NTRK3: variants seen among roughly 807,000 people sequenced by gnomAD.
NTRK3 encodes neurotrophic receptor tyrosine kinase 3.
NTRK3 carries 24 observed loss-of-function variants against 91.7 expected under a neutral mutation model. The ratio of observed to expected loss-of-function variants is 0.26; its 90% confidence interval spans 0.19 to 0.37. The LOEUF (loss-of-function observed/expected upper bound fraction) is 0.37. Ranked by LOEUF, NTRK3 falls within the 10% of genes least tolerant of loss-of-function variation. The pLI is 1.00. For synonymous variants in NTRK3, 483 were observed against 404.0 expected, an observed-to-expected ratio of 1.20 and a Z score of -2.34; for missense variants, 880 against 1,068.9, an observed-to-expected ratio of 0.82 and a Z score of 2.46.
intron 3 of NTRK3, among the ~76,000 whole-genome samples, chr15:88,185,670 T>C (rs555809058): frequency 6.6e-6 from 1 of 152,236 alleles, no homozygotes. Context: ...TGACAGCTCA[T>C]CCTGGGACAG....
In NTRK3 at chr15:87,876,578, G is replaced by A. The variant is rs755060634; in HGVS notation, c.*357C>T. The A allele has an allele frequency of 3.9e-4, 86 of 223,332 alleles. No individual in the cohort carries two copies. In the Middle Eastern group the frequency reaches 5.5e-3, roughly 14 times the overall value. 13.8% of individuals were successfully genotyped at this position (223,332 alleles called of 1,614,324 possible). A position where few individuals can be genotyped will look rare whatever the true frequency, so the allele number is the denominator to read the frequency against. On this transcript the variant is annotated 3_prime_UTR_variant, in exon 19 of 19. Transcript: ENST00000394480. ...GCATGGGCCACAGCTTAAGTCAAAG[G>A]GAATTTTCCTTTGTATTATTAATAT...
At chr15:88,127,949 C>A (rs764768486) in intron 11 of NTRK3, among the ~76,000 whole-genome samples, 2 of 152,148 alleles carry the variant, frequency 1.3e-5, no homozygotes, top group Non-Finnish European at 2.9e-5. Flanking sequence ...AAGGAATATT[C>A]TGCAAGATTA....
intron 13 of NTRK3, among the ~76,000 whole-genome samples, chr15:88,041,775 C>A (rs931847864): frequency 6.9e-6 from 1 of 143,894 alleles, no homozygotes; most frequent in African/African-American, 2.6e-5. Flanking sequence ...CATTCAGACA[C>A]TTCGCGTGCA....
intron 13 of NTRK3, among the ~76,000 whole-genome samples, chr15:88,108,809 T>C (rs1284049477): frequency 3.9e-5 from 6 of 152,130 alleles, no homozygotes; most frequent in Admixed American, 6.5e-5. Flanking sequence ...TATAAGGAGC[T>C]TGGCAGAAAT....
intron 13 of NTRK3, among the ~76,000 whole-genome samples, chr15:88,035,542 C>T (rs1030243667): frequency 7.9e-5 from 12 of 152,222 alleles, no homozygotes; most frequent in African/African-American, 2.9e-4. Flanking sequence ...AGTGGAAAGT[C>T]AAGCTCATTC....
At chr15:88,057,082 T>C (rs888465362) in intron 13 of NTRK3, among the ~76,000 whole-genome samples, 6 of 131,672 alleles carry the variant, frequency 4.6e-5, no homozygotes, top group Admixed American at 1.6e-4. Flanking sequence ...GGCAGGAGAA[T>C]GGCGTGAACC....
intron 13 of NTRK3, among the ~76,000 whole-genome samples, chr15:88,094,129 C>A (rs1245860255): frequency 6.6e-6 from 1 of 152,058 alleles, no homozygotes; most frequent in Non-Finnish European, 1.5e-5. Context: ...GCTCTTCTTG[C>A]TGCAGCCTTT....
chr15:88,221,372 G>GA (rs773658464), intron 3 of NTRK3, among the ~76,000 whole-genome samples: 7 of 151,912 alleles, frequency 4.6e-5, no homozygotes, highest in Admixed American at 3.3e-4. Flanking sequence ...AAATTCATAA[G>GA]AAAAAAACAT....
chr15:87,886,697 T>TATATATATATACAC (rs1335887821), intron 17 of NTRK3, among the ~76,000 whole-genome samples: 1 of 135,882 alleles, frequency 7.4e-6, no homozygotes, highest in South Asian at 2.3e-4. Context: ...TATATATATA[T>TATATATATATACAC]ATACATATAT....
chr15:88,094,746 C>T (rs1478320832), intron 13 of NTRK3, among the ~76,000 whole-genome samples: 1 of 152,190 alleles, frequency 6.6e-6, no homozygotes, highest in African/African-American at 2.4e-5. Flanking sequence ...GAGCAAGGCC[C>T]CAGTGCCCTG....
intron 14 of NTRK3, among the ~76,000 whole-genome samples, chr15:88,023,698 G>A (rs74511061): frequency 0.029 from 4,350 of 152,226 alleles, 231 homozygotes; most frequent in African/African-American, 0.099. Flanking sequence ...ACAACCGCAG[G>A]AAGCTAACAG....
At chr15:88,020,205 C>T (rs2077507255) in intron 14 of NTRK3, among the ~76,000 whole-genome samples, 1 of 152,146 alleles carries the variant, frequency 6.6e-6, no homozygotes, top group African/African-American at 2.4e-5. Context: ...AACAAAGAAT[C>T]AATCAAACAA....
intron 16 of NTRK3, 87 bp from the exon 17 acceptor site, chr15:87,929,521 T>C (rs1567118907): frequency 6.7e-7 from 1 of 1,499,108 alleles, no homozygotes; most frequent in Non-Finnish European, 9.0e-7. Flanking sequence ...CCCTCTGGAA[T>C]GCCCCACAGA....
chr15:87,966,286 A>G (rs1248365192), intron 14 of NTRK3, among the ~76,000 whole-genome samples: 1 of 152,206 alleles, frequency 6.6e-6, no homozygotes, highest in Non-Finnish European at 1.5e-5. Flanking sequence ...GAAGTTATAA[A>G]TCAAGCTAAC....
At chr15:88,101,129 C>T in intron 13 of NTRK3, among the ~76,000 whole-genome samples, 1 of 151,934 alleles carries the variant, frequency 6.6e-6, no homozygotes. Context: ...TGACAAAGGG[C>T]TAATATCCAG....
chr15:87,873,749 T>G (rs556947895), exon 19 of NTRK3: 1 of 231,764 alleles, frequency 4.3e-6, no homozygotes, highest in Non-Finnish European at 8.5e-6. Flanking sequence ...TTTTCTGGTA[T>G]GTAGGAATGC....
At chr15:88,021,502 G>T (rs762572452) in intron 14 of NTRK3, among the ~76,000 whole-genome samples, 8 of 152,172 alleles carry the variant, frequency 5.3e-5, no homozygotes, top group Non-Finnish European at 1.0e-4. Context: ...TAAGTCTCAG[G>T]GATCTCTAGA....
At chr15:87,976,388 A>G (rs2073716596) in intron 14 of NTRK3, among the ~76,000 whole-genome samples, 2 of 152,352 alleles carry the variant, frequency 1.3e-5, no homozygotes, top group South Asian at 4.1e-4. Flanking sequence ...ACTTCCTGTC[A>G]GACTGGAACG....
At chr15:88,093,057 T>C (rs921114322) in intron 13 of NTRK3, among the ~76,000 whole-genome samples, 14 of 147,324 alleles carry the variant, frequency 9.5e-5, no homozygotes, top group Non-Finnish European at 1.0e-4. Flanking sequence ...GGCTTTGGGG[T>C]TTTTTTTGTT....
Sources: allele counts gnomAD v4.1 joint callset (sites outside exome capture counted in the v4.1 genomes callset), GRCh38; gene constraint gnomAD v4.1.1; transcripts MANE v1.5; gene names NCBI Gene and HGNC (gene_info 2026-07-23, HGNC 2026-07-21).